The following PCCA variants were observed in gnomAD, a reference collection of about 807,000 sequenced individuals.
The protein encoded by PCCA is propionyl-CoA carboxylase subunit alpha, also known as propionyl-CoA carboxylase alpha chain, mitochondrial.
In PCCA, 74 loss-of-function variants were observed where a neutral mutation model predicts 101.3. The ratio of observed to expected loss-of-function variants is 0.73; its 90% CI spans 0.61 to 0.89. PCCA has a LOEUF of 0.89. PCCA is among the 40% of genes least tolerant of loss of function. PCCA has a pLI of 0.00. For synonymous variants in PCCA, 294 were observed against 313.6 expected (o/e 0.94, Z 0.66); for missense variants, 891 against 907.0 (o/e 0.98, Z 0.23).
At chr13:100,209,584 G>C (rs562881161) in intron 7 of PCCA, 121 bp downstream of exon 7, 6 of 740,752 alleles carry the variant, frequency 8.1e-6, no homozygotes, top group African/African-American at 1.7e-5. Context: ...ACATATGCAC[G>C]CACATACATA....
At chr13:100,148,012 G>T (rs2152362941) in intron 4 of PCCA, among the ~76,000 whole-genome samples, 1 of 152,118 alleles carries the variant, frequency 6.6e-6, no homozygotes, top group East Asian at 1.9e-4. Context: ...CGAACTCCTG[G>T]GCTTGAGTGA....
intron 21 of PCCA, among the ~76,000 whole-genome samples, chr13:100,465,429 G>A (rs1033798033): frequency 3.3e-5 from 5 of 152,010 alleles, no homozygotes; most frequent in Non-Finnish European, 7.4e-5. Flanking sequence ...TTAAAATCAG[G>A]GAGTGACATG....
intron 19 of PCCA, among the ~76,000 whole-genome samples, chr13:100,386,929 T>A (rs1247710620): frequency 6.6e-6 from 1 of 152,204 alleles, no homozygotes; most frequent in East Asian, 1.9e-4. Flanking sequence ...TTACCTATTT[T>A]TTTTAAAAAA....
intron 4 of PCCA, chr13:100,150,893 C>T (rs866768659): frequency 3.2e-6 from 5 of 1,552,552 alleles, no homozygotes; most frequent in African/African-American, 2.7e-5. Flanking sequence ...TCGGCCACCA[C>T]GGCAAACACG....
intron 16 of PCCA, among the ~76,000 whole-genome samples, chr13:100,312,120 G>C (rs2066965399): frequency 6.6e-6 from 1 of 152,138 alleles, no homozygotes; most frequent in African/African-American, 2.4e-5. Flanking sequence ...AATGTTTGTT[G>C]GATGAATGAA....
At chr13:100,243,584 C>T (rs577080377) in intron 8 of PCCA, among the ~76,000 whole-genome samples, 1 of 152,298 alleles carries the variant, frequency 6.6e-6, no homozygotes, top group East Asian at 1.9e-4. Flanking sequence ...TTCTTGTAGG[C>T]TGTCCTTGTG....
intron 7 of PCCA, among the ~76,000 whole-genome samples, chr13:100,230,942 T>G (rs985874469): frequency 6.6e-6 from 1 of 152,180 alleles, no homozygotes; most frequent in African/African-American, 2.4e-5. Flanking sequence ...GCTCTGAGGC[T>G]ACAGTTCAGT....
chr13:100,388,075 C>A (rs2076609415), intron 19 of PCCA, among the ~76,000 whole-genome samples: 1 of 152,274 alleles, frequency 6.6e-6, no homozygotes, highest in African/African-American at 2.4e-5. Context: ...ACCAGATAGT[C>A]ACCTTTAGTT....
intron 4 of PCCA, chr13:100,151,113 CTGCTGCCAGACGGA>C: frequency 8.3e-7 from 1 of 1,210,514 alleles, no homozygotes; most frequent in Non-Finnish European, 1.2e-6. Flanking sequence ...TACCTGATGG[CTGCTGCCAGACGGA>C]AGAAAAGAAG....
intron 8 of PCCA, among the ~76,000 whole-genome samples, chr13:100,250,485 TA>T (rs2061684252): frequency 6.6e-6 from 1 of 152,136 alleles, no homozygotes; most frequent in Non-Finnish European, 1.5e-5. Flanking sequence ...AACTTAATTT[TA>T]AAATGTTTGC....
rs961945857 is a variant in PCCA, at chr13:100,411,090, A to AT, written c.1747-14533dup. On this transcript the variant is annotated intron_variant, in intron 19 of 23. Coordinates refer to ENST00000376285, the MANE Select transcript of PCCA (RefSeq NM_000282.4). ...GAATCAGAGGTATCAATGTGAAGTC[A>AT]TTTTTTTTTTAATCAGTAGACACAG... is the stretch of plus-strand genomic sequence containing the variant. 4.2e-4 allele frequency among the ~76,000 whole-genome samples: 63 copies of AT among 149,870 alleles called. 1 individual carries two copies. Among genetic ancestry groups the AT allele is most frequent in the East Asian group, 1.4e-3 (7 of 5,128 alleles).
At chr13:100,120,604 A>G (rs970709798) in intron 4 of PCCA, among the ~76,000 whole-genome samples, 1 of 152,182 alleles carries the variant, frequency 6.6e-6, no homozygotes, top group Non-Finnish European at 1.5e-5. Context: ...ATTCATTTAT[A>G]ATGATGAGAT....
At chr13:100,402,553 A>C (rs1188660681) in intron 19 of PCCA, among the ~76,000 whole-genome samples, 2 of 152,220 alleles carry the variant, frequency 1.3e-5, no homozygotes, top group African/African-American at 4.8e-5. Flanking sequence ...ATGAAGGAAT[A>C]ATGCCCACCC....
intron 6 of PCCA, among the ~76,000 whole-genome samples, chr13:100,165,390 G>A (rs1375779470): frequency 6.6e-6 from 1 of 152,092 alleles, no homozygotes; most frequent in Non-Finnish European, 1.5e-5. Context: ...CTTTACATAA[G>A]TTTAAGAGGT....
chr13:100,130,622 C>T (rs2050409876), intron 4 of PCCA, among the ~76,000 whole-genome samples: 2 of 152,154 alleles, frequency 1.3e-5, no homozygotes, highest in Admixed American at 6.5e-5. Flanking sequence ...ATTTTGTAAA[C>T]AACTGAGTAT....
At chr13:100,146,259 A>T (rs897313968) in intron 4 of PCCA, among the ~76,000 whole-genome samples, 1 of 150,408 alleles carries the variant, frequency 6.6e-6, no homozygotes, top group African/African-American at 2.4e-5. Flanking sequence ...TTTTTATAAG[A>T]TATCTGTTGT....
intron 12 of PCCA, among the ~76,000 whole-genome samples, chr13:100,288,596 C>G (rs1218259714): frequency 6.6e-6 from 1 of 152,232 alleles, no homozygotes; most frequent in East Asian, 1.9e-4. Flanking sequence ...TTGTTTTTAA[C>G]TAAAGTCTGT....
At chr13:100,262,395 A>G (rs1343989813) in intron 9 of PCCA, among the ~76,000 whole-genome samples, 2 of 148,832 alleles carry the variant, frequency 1.3e-5, no homozygotes, top group Non-Finnish European at 3.0e-5. Flanking sequence ...CTCTGTCTCA[A>G]AAAAAAAAAA....
chr13:100,379,740 G>A (rs2152826952), intron 19 of PCCA, among the ~76,000 whole-genome samples: 1 of 152,130 alleles, frequency 6.6e-6, no homozygotes, highest in East Asian at 1.9e-4. Context: ...AAAACCATCA[G>A]ACCTCCTGAG....
Sources: gnomAD v4.1 joint callset for allele counts (sites outside exome capture counted in the v4.1 genomes callset) on GRCh38, gnomAD v4.1.1 for gene constraint, MANE v1.5 for transcripts, NCBI Gene and HGNC (gene_info 2026-07-23, HGNC 2026-07-21) for gene names.